CUTC: variants seen among roughly 807,000 people sequenced by gnomAD.
The protein encoded by CUTC is cutC copper transporter.
A neutral mutation model predicts 36.2 loss-of-function variants in CUTC; 27 were observed. That is an observed-to-expected ratio of 0.75 (90% CI 0.55 to 1.03). The LOEUF is 1.03. Among genes scored for constraint, CUTC ranks in the 50% least tolerant of loss-of-function variants. The pLI is 0.00. For missense variants in CUTC, 315 were observed against 343.5 expected, an observed-to-expected ratio of 0.92 and a Z score of 0.66; for synonymous variants, 114 against 118.3, an observed-to-expected ratio of 0.96 and a Z score of 0.24.
At chr10:99,741,321 C>G (rs1171754503) in intron 3 of CUTC, among the ~76,000 whole-genome samples, 1 of 152,136 alleles carries the variant, frequency 6.6e-6, no homozygotes, top group Admixed American at 6.5e-5. Flanking sequence ...ATTTTCCTGT[C>G]TGGCTGGTGG....
chr10:99,750,381 A>G lies in CUTC; in HGVS notation c.586A>G (p.Ile196Val). 1 of 1,591,502 alleles carries G rather than the reference A, an allele frequency of 6.3e-7. No individual in the cohort carries two copies. The highest frequency in any genetic ancestry group is 1.2e-5 in the South Asian group (1 of 86,948). ...TTTCTTTTTTCAGGCAAAAGGCAGG[A>G]TTGTGGTAATGCCAGGTATTTATTT... ...KRLIEQAKGR[I>V]VVMPGGGITD... The change falls in exon 7 of 9, where the codon ATT (isoleucine) becomes GTT (valine). Residue 196 changes from isoleucine (I) to valine (V), a missense_variant. Ile to Val is a conservative substitution (Grantham distance 29). Transcript: ENST00000370476.
In CUTC at chr10:99,747,350, C is replaced by T. The variant is rs867960964; in HGVS notation, c.533C>T (p.Ala178Val). The T allele has an allele frequency of 3.7e-6, 6 of 1,613,800 alleles. No individual in the cohort carries two copies. The African/African-American group carries it at 5.3e-5, about 14-fold the overall frequency. ...RVLTSGCDSS[A>V]LEGLPLIKRL... is the part of the protein sequence containing the mutation. ...TTGACCAGTGGATGTGACAGTTCAG[C>T]ATTAGAAGGGCTACCCCTAATAAAG... The change falls in exon 6 of 9, where the codon GCA becomes GTA. Residue 178 changes from alanine to valine, a missense_variant. By Grantham distance (64) the Ala-to-Val change is moderately conservative (BLOSUM62 0). Transcript: ENST00000370476.
intron 1 of CUTC, among the ~76,000 whole-genome samples, chr10:99,733,867 ATC>A (rs1564654297): frequency 6.6e-6 from 1 of 151,916 alleles, no homozygotes; most frequent in African/African-American, 2.4e-5. Context: ...TTTTTTATAC[ATC>A]TCTCCATCTT....
At chr10:99,743,959 G>A in intron 4 of CUTC, 78 bp from the exon 5 acceptor site, 1 of 1,171,722 alleles carries the variant, frequency 8.5e-7, no homozygotes, top group African/African-American at 1.6e-5. Context: ...AAAAGTTTCA[G>A]CTAACATGGA....
chr10:99,733,372 A>G (rs1258096469), intron 1 of CUTC, among the ~76,000 whole-genome samples: 1 of 152,170 alleles, frequency 6.6e-6, no homozygotes, highest in African/African-American at 2.4e-5. Context: ...ACCATAGTAA[A>G]CCCATTACAT....
At chr10:99,750,611 C>T (rs1218936225) in intron 7 of CUTC, among the ~76,000 whole-genome samples, 2 of 152,130 alleles carry the variant, frequency 1.3e-5, no homozygotes, top group African/African-American at 4.8e-5. Context: ...TTGTAATAGG[C>T]ATTAGCTCAA....
intron 5 of CUTC, among the ~76,000 whole-genome samples, chr10:99,746,200 G>A (rs916005348): frequency 6.6e-6 from 1 of 152,142 alleles, no homozygotes; most frequent in Non-Finnish European, 1.5e-5. Context: ...ACAAGATCAT[G>A]TCCTTTGCAG....
At chr10:99,748,600 GCT>G (rs995572389) in intron 6 of CUTC, among the ~76,000 whole-genome samples, 3 of 152,122 alleles carry the variant, frequency 2.0e-5, no homozygotes, top group Non-Finnish European at 4.4e-5. Flanking sequence ...TTTTAATAGA[GCT>G]CTATTTTTAA....
At chr10:99,737,266 TAA>T (rs77766994) in intron 2 of CUTC, among the ~76,000 whole-genome samples, 7 of 126,308 alleles carry the variant, frequency 5.5e-5, no homozygotes, top group Admixed American at 8.0e-5. Context: ...AGATCTTGTC[TAA>T]AAAAAAAAAA....
intron 5 of CUTC, among the ~76,000 whole-genome samples, chr10:99,746,491 C>T (rs1175827988): frequency 6.6e-6 from 1 of 151,966 alleles, no homozygotes; most frequent in Non-Finnish European, 1.5e-5. Context: ...CAAACCTGCA[C>T]TTGTACCCCT....
At chr10:99,751,258 CT>C in intron 7 of CUTC, among the ~76,000 whole-genome samples, 1 of 126,066 alleles carries the variant, frequency 7.9e-6, no homozygotes, top group Non-Finnish European at 1.8e-5. Flanking sequence ...ACATTTAATA[CT>C]CAACTTTCTC....
At chr10:99,752,387 A>G (rs970840669) in intron 7 of CUTC, among the ~76,000 whole-genome samples, 3 of 151,976 alleles carry the variant, frequency 2.0e-5, no homozygotes, top group African/African-American at 2.4e-5. Context: ...GTCAAAAGAA[A>G]AAAAAAAAAA....
intron 1 of CUTC, among the ~76,000 whole-genome samples, chr10:99,735,819 T>G (rs1003107450): frequency 6.6e-6 from 1 of 152,358 alleles, no homozygotes; most frequent in African/African-American, 2.4e-5. Flanking sequence ...TATAGAAAAC[T>G]TAAGTAACTA....
chr10:99,733,812 T>A (rs1382911893), intron 1 of CUTC, among the ~76,000 whole-genome samples: 2 of 152,200 alleles, frequency 1.3e-5, no homozygotes, highest in Non-Finnish European at 2.9e-5. Context: ...ATCCTATAAC[T>A]TTGTTGCTTG....
chr10:99,732,236 C>T lies in CUTC; in HGVS notation c.-113C>T, dbSNP rs765196958. 6.5e-7 allele frequency: 1 copy of T among 1,528,226 alleles called. No homozygotes were observed. Among genetic ancestry groups the T allele is most frequent in the Non-Finnish European group, 8.8e-7 (1 of 1,136,510 alleles). 94.7% of individuals were successfully genotyped at this position (1,528,226 alleles called of 1,614,324 possible). A position where few individuals can be genotyped will look rare whatever the true frequency, so the allele number is the denominator to read the frequency against. ...GCGGGGGCTGCTGGGGCGTAGGTGT[C>T]GGGGACGCGCGCACGGGCGCGCGCA... On this transcript the variant is annotated 5_prime_UTR_variant, in exon 1 of 9. Transcript: ENST00000370476.
At chr10:99,736,183 G>T in intron 1 of CUTC, 63 bp from the exon 2 acceptor site, 3 of 1,379,952 alleles carry the variant, frequency 2.2e-6, no homozygotes, top group Non-Finnish European at 3.1e-6. Context: ...TAAACCCTTT[G>T]TGGTAAATTG....
intron 7 of CUTC, among the ~76,000 whole-genome samples, chr10:99,754,155 G>A (rs2037438579): frequency 6.6e-6 from 1 of 152,146 alleles, no homozygotes; most frequent in African/African-American, 2.4e-5. Flanking sequence ...CAGAACAGAG[G>A]TTCTCTTTCA....
chr10:99,754,667 G>A, intron 8 of CUTC, 33 bp downstream of exon 8: 1 of 1,478,012 alleles, frequency 6.8e-7, no homozygotes, highest in Non-Finnish European at 9.4e-7. Flanking sequence ...AAATAAGAAG[G>A]ATGAGATTAA....
intron 2 of CUTC, among the ~76,000 whole-genome samples, chr10:99,736,813 G>C (rs1198238959): frequency 1.3e-5 from 2 of 152,064 alleles, no homozygotes; most frequent in Non-Finnish European, 2.9e-5. Flanking sequence ...GAAGCCCCAT[G>C]TATGCATCAC....
Sources: gnomAD v4.1 joint callset for allele counts (sites outside exome capture counted in the v4.1 genomes callset) on GRCh38, gnomAD v4.1.1 for gene constraint, MANE v1.5 for transcripts, NCBI Gene and HGNC (gene_info 2026-07-23, HGNC 2026-07-21) for gene names.